Variants in PCDHGB7 observed in about 807,000 individuals in gnomAD.
The protein encoded by PCDHGB7 is protocadherin gamma-B7.
Under a neutral mutation model 61.4 loss-of-function variants are expected in PCDHGB7, and 37 were observed. The observed-to-expected ratio is 0.60, with a 90% CI of 0.46 to 0.79. The LOEUF is 0.79. PCDHGB7 is among the 30% of genes least tolerant of loss of function. The pLI is 0.00. For missense variants in PCDHGB7, 1,166 were observed against 1,202.5 expected (o/e 0.97, Z 0.45); for synonymous variants, 464 against 503.5 (o/e 0.92, Z 1.05).
chr5:141,491,982 T>G lies in PCDHGB7; in HGVS notation c.2416-2825T>G. On this transcript the variant is annotated intron_variant, in intron 1 of 3. Coordinates refer to ENST00000398594, the MANE Select transcript of PCDHGB7 (RefSeq NM_018927.4). This position sits in a 1 kb window ranked among gnomAD's most constrained non-coding sequence, Gnocchi z 6.9. Reference sequence around the variant, plus strand: ...AAAAGGCCGGGGCCTCCTTCGAGCTTCCGGTGAATTTCGGGCGATTTCCGC... The same window carrying G: ...AAAAGGCCGGGGCCTCCTTCGAGCTGCCGGTGAATTTCGGGCGATTTCCGC... The G allele has an allele frequency of 2.6e-6, 2 of 759,438 alleles. No homozygotes were observed. Among genetic ancestry groups the G allele is most frequent in the East Asian group, 3.2e-5 (1 of 31,728 alleles). The allele number at this position is 759,438 out of a possible 1,614,324, so 47.0% of individuals were successfully genotyped here. A position where few individuals can be genotyped will look rare whatever the true frequency, so the allele number is the denominator to read the frequency against.
At chr5:141,450,004 C>CTTTAT (rs2098662217) in intron 1 of PCDHGB7, among the ~76,000 whole-genome samples, 1 of 75,148 alleles carries the variant, frequency 1.3e-5, no homozygotes, top group Non-Finnish European at 2.3e-5. Flanking sequence ...GTTGCCATGT[C>CTTTAT]TCTTTTTTTT....
chr5:141,439,363 A>G (rs922889903), intron 1 of PCDHGB7, among the ~76,000 whole-genome samples: 2 of 152,208 alleles, frequency 1.3e-5, no homozygotes, highest in African/African-American at 2.4e-5. Context: ...TCAAACATCA[A>G]GAAGAAATAA....
rs146574799 is a variant in PCDHGB7, at chr5:141,487,337, G to A, written c.2416-7470G>A. The A allele has an allele frequency of 1.4e-5, 23 of 1,614,054 alleles. No individual in the cohort carries two copies. The highest frequency in any genetic ancestry group is 3.3e-5 in the Admixed American group (2 of 60,002). The stretch of plus-strand genomic sequence containing the variant: ...TAAGTGTCTTCGTGGGGCAGCCTGT[G>A]GAGTCACATGCTTTCCTGCTGGCAC... On this transcript the variant is annotated intron_variant, in intron 1 of 3. Coordinates refer to ENST00000398594, the MANE Select transcript of PCDHGB7 (RefSeq NM_018927.4). The surrounding 1 kb of genome is among the most constrained non-coding windows in gnomAD (Gnocchi z 5.0).
At position 141,418,523 on chromosome 5, in the gene PCDHGB7, C is replaced by G. The variant is rs2096266495; in HGVS notation, c.664C>G (p.Arg222Gly). 6.2e-7 allele frequency: 1 copy of G among 1,613,958 alleles called. No individual in the cohort carries two copies. The highest frequency in any genetic ancestry group is 8.5e-7 in the Non-Finnish European group (1 of 1,179,880). Residue 222 changes from arginine to glycine, a missense_variant, in exon 1 of 4, where the codon CGA becomes GGA. Coordinates refer to ENST00000398594, the MANE Select transcript of PCDHGB7 (RefSeq NM_018927.4). ...CGCCTTAGATGGTGGGGACCCTCCCCGAAGCGGTACTGCTCAGATAAGAAT... is the reference window on the plus strand; with the variant it reads ...CGCCTTAGATGGTGGGGACCCTCCCGGAAGCGGTACTGCTCAGATAAGAAT... ...LTALDGGDPP[R>G]SGTAQIRILV...
chr5:141,427,224 A>G (rs1269896138), intron 1 of PCDHGB7: 1 of 456,768 alleles, frequency 2.2e-6, no homozygotes, highest in East Asian at 6.9e-5. Context: ...TAGCAGTTAT[A>G]CCATGAGAGT....
At position 141,510,984 on chromosome 5, in the gene PCDHGB7, C is replaced by A. The variant is rs375865663; in HGVS notation, c.2601C>A (p.Ala867=). 6.2e-7 allele frequency: 1 copy of A among 1,614,162 alleles called. No individual in the cohort carries two copies. The highest frequency in any genetic ancestry group is 8.5e-7 in the Non-Finnish European group (1 of 1,180,012). The part of the protein sequence containing the change: ...ADGSSTLGGG[A]GTMGLSARYG... The stretch of plus-strand genomic sequence containing the variant: ...GGAGCTCCACCCTGGGAGGGGGTGC[C>A]GGCACCATGGGATTGAGCGCCCGCT... Residue 867 remains alanine, a synonymous_variant, in exon 4 of 4, where the codon GCC becomes GCA. Coordinates refer to ENST00000398594, the MANE Select transcript of PCDHGB7 (RefSeq NM_018927.4).
intron 1 of PCDHGB7, among the ~76,000 whole-genome samples, chr5:141,482,771 A>ACCTAAAATCTCAAACAC (rs1168136626): frequency 4.9e-5 from 7 of 141,414 alleles, no homozygotes; most frequent in African/African-American, 8.5e-5. Flanking sequence ...ATTATCACTG[A>ACCTAAAATCTCAAACAC]ACCTTAAACT....
In PCDHGB7 at chr5:141,457,578, C is replaced by T. The variant is rs538068150; in HGVS notation, c.2416-37229C>T. Among the ~76,000 whole-genome samples, 38 of 152,304 alleles carry T rather than the reference C, an allele frequency of 2.5e-4. No individual in the cohort carries two copies. The South Asian group carries it at 7.7e-3, about 31-fold the overall frequency. ...AGCTTTGGAGCAAAATTTTTCTCTC[C>T]AGTCCTCATTTTTGGTAAAAACTAA... On this transcript the variant is annotated intron_variant, in intron 1 of 3. Coordinates refer to ENST00000398594, the MANE Select transcript of PCDHGB7 (RefSeq NM_018927.4).
chr5:141,470,969 A>C (rs62379203), intron 1 of PCDHGB7, among the ~76,000 whole-genome samples: 16,337 of 151,332 alleles, frequency 0.11, 895 homozygotes, highest in South Asian at 0.15. Flanking sequence ...CTCCCACCTC[A>C]GCCTCCCAAA....
In PCDHGB7 at chr5:141,432,250, A is replaced by G. The variant is rs777728825; in HGVS notation, c.2415+11976A>G. 2 of 1,614,234 alleles carry G rather than the reference A, an allele frequency of 1.2e-6. No homozygotes were observed. Among genetic ancestry groups the G allele is most frequent in the Admixed American group, 1.7e-5 (1 of 60,026 alleles). ...ATTCCCTGGCTGAGAACACCATCCA[A>G]GGGGCAAGCCTATCGTCCTACGTGT... On this transcript the variant is annotated intron_variant, in intron 1 of 3. Transcript: ENST00000398594. The surrounding 1 kb of genome is among the most constrained non-coding windows in gnomAD (Gnocchi z 6.0).
intron 1 of PCDHGB7, chr5:141,421,331 C>T: frequency 1.2e-6 from 2 of 1,613,856 alleles, no homozygotes; most frequent in East Asian, 2.2e-5. Flanking sequence ...ATCCGATATT[C>T]GGTGCCAGAA....
At chr5:141,479,937 C>G (rs1322238189) in intron 1 of PCDHGB7, among the ~76,000 whole-genome samples, 1 of 152,212 alleles carries the variant, frequency 6.6e-6, no homozygotes, top group African/African-American at 2.4e-5. Context: ...TCATTGCTAT[C>G]AACTCTTGGA....
chr5:141,490,993 C>G lies in PCDHGB7; in HGVS notation c.2416-3814C>G, dbSNP rs746618787. 1.9e-6 allele frequency: 3 copies of G among 1,614,140 alleles called. No individual in the cohort carries two copies. Among genetic ancestry groups the G allele is most frequent in the Non-Finnish European group, 2.5e-6 (3 of 1,180,030 alleles). On this transcript the variant is annotated intron_variant, in intron 1 of 3. Coordinates refer to ENST00000398594, the MANE Select transcript of PCDHGB7 (RefSeq NM_018927.4). The surrounding 1 kb of genome is among the most constrained non-coding windows in gnomAD (Gnocchi z 5.4). ...CCAGCGTCTCCCTCGCTCTGCTCCT[C>G]CTGGCTCCTTGGTCACCAAGGTGAC...
intron 1 of PCDHGB7, chr5:141,478,484 C>T (rs376021397): frequency 6.2e-7 from 1 of 1,613,458 alleles, no homozygotes; most frequent in South Asian, 1.1e-5. Flanking sequence ...GAACACGCTG[C>T]GGAGCTGTGA....
At chr5:141,441,920 A>G (rs1276085080) in intron 1 of PCDHGB7, 8 of 352,988 alleles carry the variant, frequency 2.3e-5, no homozygotes, top group East Asian at 8.9e-5. Context: ...GTGAGACACA[A>G]TGCGTGGCTG....
At chr5:141,503,387 G>A (rs975079596) in intron 2 of PCDHGB7, among the ~76,000 whole-genome samples, 24 of 152,068 alleles carry the variant, frequency 1.6e-4, no homozygotes, top group Middle Eastern at 3.4e-3. Flanking sequence ...ATGAGGTCAG[G>A]AGTTCGAAAC....
In PCDHGB7 at chr5:141,418,314, C is replaced by T; in HGVS notation, c.455C>T (p.Thr152Ile). 1 of 1,613,988 alleles carries T rather than the reference C, an allele frequency of 6.2e-7. No homozygotes were observed. The change falls in exon 1 of 4, where the codon ACA (threonine) becomes ATA (isoleucine). Residue 152 changes from threonine to isoleucine, a missense_variant. Coordinates refer to ENST00000398594, the MANE Select transcript of PCDHGB7 (RefSeq NM_018927.4). ...GAATCCGTCAGCCTGGGGATGGGAA[C>T]AATTCTTGAGTCTGCAGAAGATCCT... ...ISESVSLGMG[T>I]ILESAEDPDI... is the part of the protein sequence containing the mutation.
chr5:141,428,857 A>C (rs2097165548), intron 1 of PCDHGB7: 1 of 140,386 alleles, frequency 7.1e-6, no homozygotes, highest in Non-Finnish European at 1.5e-5. Context: ...TTTTTACGGG[A>C]GACTTTTTTT....
intron 2 of PCDHGB7, among the ~76,000 whole-genome samples, chr5:141,502,401 G>A (rs191747075): frequency 2.0e-5 from 3 of 151,874 alleles, no homozygotes; most frequent in Admixed American, 1.3e-4. Flanking sequence ...AAATGTCCCC[G>A]AACCTGGATT....
Sources: gnomAD v4.1 joint callset for allele counts (sites outside exome capture counted in the v4.1 genomes callset) on GRCh38, gnomAD v4.1.1 for gene constraint, Gnocchi (gnomAD v3.1) non-coding constraint, MANE v1.5 for transcripts, NCBI Gene and HGNC (gene_info 2026-07-23, HGNC 2026-07-21) for gene names.